TCF7L2: variants seen among roughly 807,000 people sequenced by gnomAD.
TCF7L2 encodes transcription factor 7 like 2.
In TCF7L2, 23 loss-of-function variants were observed where a neutral mutation model predicts 77.9. That is an observed-to-expected ratio of 0.30 (90% CI 0.21 to 0.42). TCF7L2 has a LOEUF of 0.42. Ranked by LOEUF, TCF7L2 falls within the 10% of genes least tolerant of loss-of-function variation. TCF7L2 has a pLI of 1.00. For synonymous variants in TCF7L2, 413 were observed against 340.2 expected, an observed-to-expected ratio of 1.21 and a Z score of -2.36; for missense variants, 654 against 793.1, an observed-to-expected ratio of 0.82 and a Z score of 2.11.
At chr10:113,048,897 A>G (rs1282811567) in intron 5 of TCF7L2, among the ~76,000 whole-genome samples, 3 of 152,210 alleles carry the variant, frequency 2.0e-5, no homozygotes, top group Non-Finnish European at 4.4e-5. Context: ...TGTAGGCTGT[A>G]TGAAGTCATT....
intron 5 of TCF7L2, chr10:113,129,952 C>A: frequency 1.5e-6 from 2 of 1,291,440 alleles, no homozygotes; most frequent in Non-Finnish European, 2.0e-6. Flanking sequence ...TCTGTTCCAG[C>A]AGTTGGGCGG....
At chr10:113,030,066 G>A (rs2049956509) in intron 4 of TCF7L2, among the ~76,000 whole-genome samples, 1 of 152,106 alleles carries the variant, frequency 6.6e-6, no homozygotes, top group Non-Finnish European at 1.5e-5. Context: ...AACCCTAGCA[G>A]CCAGTCTCTA....
At chr10:113,097,646 G>GAAAAAAAAAAAAAAAAAAA (rs869133669) in intron 5 of TCF7L2, among the ~76,000 whole-genome samples, 1 of 36,734 alleles carries the variant, frequency 2.7e-5, no homozygotes, top group African/African-American at 1.1e-4. Flanking sequence ...TCTTGTCTCG[G>GAAAAAAAAAAAAAAAAAAA]AAAAAAAAAA....
intron 5 of TCF7L2, among the ~76,000 whole-genome samples, chr10:113,071,166 C>T (rs59168962): frequency 0.012 from 1,881 of 152,238 alleles, 36 homozygotes; most frequent in African/African-American, 0.043. Context: ...TCCACCCTGC[C>T]TCCCTACCCG....
intron 3 of TCF7L2, among the ~76,000 whole-genome samples, chr10:112,953,476 A>C (rs1034739989): frequency 6.6e-6 from 1 of 151,990 alleles, no homozygotes; most frequent in Non-Finnish European, 1.5e-5. Flanking sequence ...AATAAACCGG[A>C]CCAAGCAACA....
chr10:112,975,329 C>T (rs1196405634), intron 4 of TCF7L2, among the ~76,000 whole-genome samples: 1 of 152,104 alleles, frequency 6.6e-6, no homozygotes, highest in Non-Finnish European at 1.5e-5. Flanking sequence ...ACTGGCATGT[C>T]TGTGTCTTTG....
In TCF7L2 at chr10:112,951,317, C is replaced by G. The variant is rs957072399; in HGVS notation, c.256+44C>G. The stretch of plus-strand genomic sequence containing the variant: ...CCCCGCAGCCGCCCGGAGCCGCCCC[C>G]CGGGCCGGCCGCCCCGCGCGCCCCG... On this transcript the variant is annotated intron_variant, in intron 2 of 13. Coordinates refer to ENST00000627217, the MANE Select transcript of TCF7L2 (RefSeq NM_001146274.2). 5 of 1,010,984 alleles carry G rather than the reference C, an allele frequency of 4.9e-6. No individual in the cohort carries two copies. The Admixed American group carries it at 2.4e-4, about 50-fold the overall frequency. 62.6% of individuals were successfully genotyped at this position (1,010,984 alleles called of 1,614,324 possible).
chr10:113,012,638 G>C (rs776028937), intron 4 of TCF7L2, among the ~76,000 whole-genome samples: 1 of 152,136 alleles, frequency 6.6e-6, no homozygotes, highest in Non-Finnish European at 1.5e-5. Context: ...ATTGAGTAAG[G>C]AGCTGCAGGA....
chr10:113,064,465 T>G (rs57543781), intron 5 of TCF7L2, among the ~76,000 whole-genome samples: 81,733 of 152,074 alleles, frequency 0.54, 22,749 homozygotes, highest in East Asian at 0.88. Flanking sequence ...ATTATATAAG[T>G]ATGCCTACCT....
chr10:113,036,201 T>G (rs2051213011), intron 4 of TCF7L2, among the ~76,000 whole-genome samples: 1 of 151,616 alleles, frequency 6.6e-6, no homozygotes, highest in South Asian at 2.1e-4. Context: ...GAAAAGAAAT[T>G]TATACAGAGC....
At chr10:113,001,859 A>G (rs547818751) in intron 4 of TCF7L2, among the ~76,000 whole-genome samples, 1 of 152,348 alleles carries the variant, frequency 6.6e-6, no homozygotes, top group Non-Finnish European at 1.5e-5. Context: ...AATTTCCTAA[A>G]GAATTAAAAG....
chr10:113,059,305 G>A (rs1002438216), intron 5 of TCF7L2, among the ~76,000 whole-genome samples: 5 of 152,000 alleles, frequency 3.3e-5, no homozygotes, highest in Non-Finnish European at 5.9e-5. Context: ...AAAAACATGC[G>A]GCTTTCAAGG....
At chr10:113,114,115 A>G (rs1198941834) in intron 5 of TCF7L2, among the ~76,000 whole-genome samples, 1 of 152,196 alleles carries the variant, frequency 6.6e-6, no homozygotes, top group African/African-American at 2.4e-5. Context: ...TACTGACAAT[A>G]TCCCCAGCTG....
intron 5 of TCF7L2, among the ~76,000 whole-genome samples, chr10:113,109,072 C>T (rs890303460): frequency 7.2e-5 from 11 of 152,300 alleles, no homozygotes; most frequent in Admixed American, 3.9e-4. Context: ...AACACACGCG[C>T]GTGCACACAT....
chr10:113,089,534 T>C, intron 5 of TCF7L2: 1 of 1,613,600 alleles, frequency 6.2e-7, no homozygotes, highest in Non-Finnish European at 8.5e-7. Context: ...AGCCCTGGTG[T>C]ATTGAGGTAG....
At chr10:112,973,302 C>G (rs893356960) in intron 4 of TCF7L2, among the ~76,000 whole-genome samples, 1 of 152,192 alleles carries the variant, frequency 6.6e-6, no homozygotes, top group Non-Finnish European at 1.5e-5. Flanking sequence ...CGGACTAGGG[C>G]AAGGGTTCCC....
Position 112,951,273 on chromosome 10 carries a change from G to T in TCF7L2, c.256G>T (p.Ala86Ser), listed in dbSNP as rs758611043. 6.7e-7 allele frequency: 1 copy of T among 1,497,844 alleles called. No individual in the cohort carries two copies. Among genetic ancestry groups the T allele is most frequent in the African/African-American group, 1.4e-5 (1 of 68,988 alleles). The allele number at this position is 1,497,844 out of a possible 1,614,324, so 92.8% of individuals were successfully genotyped here. ...CAAATCCCGGGAAAGTTTGGAAGAA[G>T]GTGAGTACGCCCCGCGCGCCCCGCA... The change falls in exon 2 of 14, where the codon GCG (alanine) becomes TCG (serine). Residue 86 changes from alanine to serine, a missense_variant and splice_region_variant. Ala to Ser is a moderately conservative substitution (Grantham distance 99). Around this residue, in one of 6 missense-constraint regions of TCF7L2, gnomAD observed 132 missense variants for 123.7 expected, o/e 1.07. Coordinates refer to ENST00000627217, the MANE Select transcript of TCF7L2 (RefSeq NM_001146274.2).
At chr10:113,040,896 A>G (rs1255318186) in intron 5 of TCF7L2, among the ~76,000 whole-genome samples, 2 of 152,270 alleles carry the variant, frequency 1.3e-5, no homozygotes, top group Non-Finnish European at 2.9e-5. Context: ...TACTTTTGAA[A>G]TAATTAATGG....
At chr10:113,072,104 T>G (rs2058095615) in intron 5 of TCF7L2, among the ~76,000 whole-genome samples, 1 of 152,248 alleles carries the variant, frequency 6.6e-6, no homozygotes. Flanking sequence ...TCGCCCAGGC[T>G]GGAGTGCAGT....
Sources: gnomAD v4.1 joint callset for allele counts (sites outside exome capture counted in the v4.1 genomes callset) on GRCh38, gnomAD v4.1.1 for gene constraint, gnomAD v4.1.1 regional missense constraint, MANE v1.5 for transcripts, NCBI Gene and HGNC (gene_info 2026-07-23, HGNC 2026-07-21) for gene names.